The following ACTL8 variants were observed in gnomAD, a reference collection of about 807,000 sequenced individuals.
The protein encoded by ACTL8 is actin-like protein 8.
Under a neutral mutation model 9.3 loss-of-function variants are expected in ACTL8, and 3 were observed. The ratio of observed to expected loss-of-function variants is 0.32; its 90% CI spans 0.15 to 0.83. The LOEUF is 0.83. Among genes scored for constraint, ACTL8 ranks in the 40% least tolerant of loss-of-function variants. The pLI is 0.57. For missense variants in ACTL8, 381 were observed against 492.2 expected (o/e 0.77, Z 2.14); for synonymous variants, 224 against 205.9 (o/e 1.09, Z -0.75).
At chr1:17,790,257 T>C (rs768994290) in intron 1 of ACTL8, among the ~76,000 whole-genome samples, 3 of 152,204 alleles carry the variant, frequency 2.0e-5, no homozygotes, top group Non-Finnish European at 4.4e-5. Flanking sequence ...AGCTCCCAGG[T>C]CTGGGCTCCC....
intron 2 of ACTL8, among the ~76,000 whole-genome samples, chr1:17,824,098 C>T (rs888207185): frequency 1.6e-4 from 25 of 151,774 alleles, no homozygotes; most frequent in Admixed American, 1.0e-3. Context: ...GCTTCTCTGA[C>T]GGAGGTGATT....
chr1:17,782,059 G>A (rs1044166836), intron 1 of ACTL8, among the ~76,000 whole-genome samples: 3 of 151,966 alleles, frequency 2.0e-5, no homozygotes, highest in Non-Finnish European at 4.4e-5. Context: ...TGATTTTTTT[G>A]GATCTATTCC....
chr1:17,805,214 C>T (rs2066350541), intron 1 of ACTL8, among the ~76,000 whole-genome samples: 1 of 152,064 alleles, frequency 6.6e-6, no homozygotes, highest in South Asian at 2.1e-4. Flanking sequence ...TGTCTGTGTG[C>T]TTCCTGCCCT....
In ACTL8 at chr1:17,756,577, C is replaced by T. The variant is rs146931486; in HGVS notation, c.-25+1073C>T. ...TAAGTTAATAATTCTTCATATGAAACTTTCCCTGTAAAAATCACTGTATGG... is the reference window on the plus strand; with the variant it reads ...TAAGTTAATAATTCTTCATATGAAATTTTCCCTGTAAAAATCACTGTATGG... On this transcript the variant is annotated intron_variant, in intron 1 of 2. Transcript: ENST00000375406. 2.0e-5 allele frequency among the ~76,000 whole-genome samples: 3 copies of T among 152,318 alleles called. No homozygotes were observed. The East Asian group carries it at 5.8e-4, about 29-fold the overall frequency.
intron 1 of ACTL8, among the ~76,000 whole-genome samples, chr1:17,810,854 T>G (rs1041648070): frequency 6.6e-6 from 1 of 152,256 alleles, no homozygotes; most frequent in Admixed American, 6.5e-5. Context: ...TATTGCTAAG[T>G]AGTATTCCAT....
chr1:17,813,995 CTCTTTTT>C (rs532123311), intron 1 of ACTL8, among the ~76,000 whole-genome samples: 45 of 152,238 alleles, frequency 3.0e-4, no homozygotes, highest in African/African-American at 1.0e-3. Flanking sequence ...TGTGTCTTTT[CTCTTTTT>C]TCTTAGTCTT....
At chr1:17,766,934 G>T (rs751321226) in intron 1 of ACTL8, among the ~76,000 whole-genome samples, 3 of 152,236 alleles carry the variant, frequency 2.0e-5, no homozygotes, top group Admixed American at 6.5e-5. Flanking sequence ...ATTCAGTCCT[G>T]GGCAAAACAG....
chr1:17,825,968 C>G lies in ACTL8; in HGVS notation c.550C>G (p.Leu184Val). 2 of 1,610,240 alleles carry G rather than the reference C, an allele frequency of 1.2e-6. No individual in the cohort carries two copies. The highest frequency in any genetic ancestry group is 2.2e-5 in the South Asian group (2 of 91,086). Residue 184 changes from leucine to valine, a missense_variant, in exon 3 of 3, where the codon CTC (leucine) becomes GTC (valine). By Grantham distance (32) the Leu-to-Val change is conservative. Around this residue, in one of 3 missense-constraint regions of ACTL8, gnomAD observed 243 missense variants for 276.2 expected, o/e 0.88. Transcript: ENST00000375406. ...EFAGQDLSAY[L>V]LKSLFKEDCD... ...CGCCGGCCAGGATCTCTCCGCCTAT[C>G]TCCTCAAGAGTCTCTTTAAGGAAGA...
intron 1 of ACTL8, among the ~76,000 whole-genome samples, chr1:17,757,165 G>T (rs573562575): frequency 6.6e-6 from 1 of 152,216 alleles, no homozygotes; most frequent in Admixed American, 6.5e-5. Context: ...TGAAAAATGT[G>T]TAGATAATGA....
intron 1 of ACTL8, among the ~76,000 whole-genome samples, chr1:17,815,487 A>AT (rs527891088): frequency 3.3e-4 from 49 of 146,830 alleles, no homozygotes; most frequent in Non-Finnish European, 5.3e-4. Context: ...TCTGGACTCC[A>AT]TTTTTTTTTT....
At chr1:17,766,589 C>G (rs561424331) in intron 1 of ACTL8, among the ~76,000 whole-genome samples, 1 of 152,268 alleles carries the variant, frequency 6.6e-6, no homozygotes, top group South Asian at 2.1e-4. Flanking sequence ...AATTGACTTG[C>G]CATGTGTTAA....
At chr1:17,763,587 CCCTGCTG>C (rs1164575227) in intron 1 of ACTL8, among the ~76,000 whole-genome samples, 14 of 152,190 alleles carry the variant, frequency 9.2e-5, no homozygotes, top group African/African-American at 2.9e-4. Context: ...CTGCAGATCC[CCCTGCTG>C]GCTCCACAGC....
At chr1:17,825,681 C>A in intron 2 of ACTL8, 86 bp from the exon 3 acceptor site, 4 of 1,511,334 alleles carry the variant, frequency 2.6e-6, no homozygotes, top group South Asian at 2.6e-5. Flanking sequence ...AGAGTCCCCC[C>A]GAGGATGGGG....
intron 1 of ACTL8, among the ~76,000 whole-genome samples, chr1:17,762,526 C>G (rs552657294): frequency 6.6e-6 from 1 of 152,182 alleles, no homozygotes; most frequent in Non-Finnish European, 1.5e-5. Context: ...GGCTCTGGCT[C>G]ACCTCCAGGC....
chr1:17,791,513 T>C (rs1472720081), intron 1 of ACTL8, among the ~76,000 whole-genome samples: 1 of 152,180 alleles, frequency 6.6e-6, no homozygotes. Flanking sequence ...AGCAGCAATT[T>C]CCTTTATTTT....
chr1:17,806,154 T>C (rs2066358722), intron 1 of ACTL8, among the ~76,000 whole-genome samples: 1 of 152,216 alleles, frequency 6.6e-6, no homozygotes, highest in Non-Finnish European at 1.5e-5. Flanking sequence ...TTATTGCATG[T>C]TTGAATGGTT....
At chr1:17,791,169 C>T (rs2066236658) in intron 1 of ACTL8, among the ~76,000 whole-genome samples, 1 of 152,144 alleles carries the variant, frequency 6.6e-6, no homozygotes, top group Non-Finnish European at 1.5e-5. Context: ...GTTCAGACAG[C>T]TGCAGCGGCA....
rs2053725563 is a variant in ACTL8 at position 17,826,612 on chromosome 1, T to G, written c.*93T>G. The G allele has an allele frequency of 1.4e-5, 17 of 1,176,708 alleles. No individual in the cohort carries two copies. Among genetic ancestry groups the G allele is most frequent in the East Asian group, 2.7e-5 (1 of 37,324 alleles). 72.9% of individuals were successfully genotyped at this position (1,176,708 alleles called of 1,614,324 possible). ...TGTTCTGGGTGGGGGTAGAATGAGGTGGGGTGGGGTGAGCTGGCTTTGGAA... is the reference window on the plus strand; with the variant it reads ...TGTTCTGGGTGGGGGTAGAATGAGGGGGGGTGGGGTGAGCTGGCTTTGGAA... On this transcript the variant is annotated 3_prime_UTR_variant, in exon 3 of 3. Coordinates refer to ENST00000375406, the MANE Select transcript of ACTL8 (RefSeq NM_030812.3). The surrounding 1 kb of genome is among the most constrained non-coding windows in gnomAD (Gnocchi z 4.5).
intron 1 of ACTL8, among the ~76,000 whole-genome samples, chr1:17,763,931 T>C (rs2066025871): frequency 6.6e-6 from 1 of 152,200 alleles, no homozygotes; most frequent in African/African-American, 2.4e-5. Flanking sequence ...GAGCCTCAGC[T>C]TCCCATTTAC....
Sources: gnomAD v4.1 joint callset for allele counts (sites outside exome capture counted in the v4.1 genomes callset) on GRCh38, gnomAD v4.1.1 for gene constraint, gnomAD v4.1.1 regional missense constraint, Gnocchi (gnomAD v3.1) non-coding constraint, MANE v1.5 for transcripts, NCBI Gene and HGNC (gene_info 2026-07-23, HGNC 2026-07-21) for gene names.